Variants in SLC12A8 observed in about 807,000 individuals in gnomAD.
SLC12A8 encodes the protein cation-chloride cotransporter 9.
In SLC12A8, 69 loss-of-function variants were observed where a neutral mutation model predicts 75.6. That is an observed-to-expected ratio of 0.91 (90% CI 0.75 to 1.11). SLC12A8 has a LOEUF of 1.11. SLC12A8 is among the 50% of genes most tolerant of loss of function. SLC12A8 has a pLI of 0.00. For missense variants in SLC12A8, 877 were observed against 896.7 expected, an observed-to-expected ratio of 0.98 and a Z score of 0.28; for synonymous variants, 365 against 372.8, an observed-to-expected ratio of 0.98 and a Z score of 0.24.
At chr3:125,206,382 T>C (rs879034682) in intron 2 of SLC12A8, among the ~76,000 whole-genome samples, 1 of 152,310 alleles carries the variant, frequency 6.6e-6, no homozygotes, top group Non-Finnish European at 1.5e-5. Flanking sequence ...GGACCCACTA[T>C]TGCTGGAACT....
chr3:125,208,634 A>G (rs1487231390), intron 2 of SLC12A8, among the ~76,000 whole-genome samples: 1 of 151,860 alleles, frequency 6.6e-6, no homozygotes, highest in Admixed American at 6.6e-5. Context: ...TCAAGGTCAC[A>G]AAGTATTAGA....
chr3:125,082,814 G>C lies in SLC12A8; in HGVS notation c.*1076C>G, dbSNP rs1938360870. 1 of 152,138 alleles carries C rather than the reference G, an allele frequency of 6.6e-6. No homozygotes were observed. The allele number at this position is 152,138 out of a possible 1,614,324, so 9.4% of individuals were successfully genotyped here. On this transcript the variant is annotated 3_prime_UTR_variant, in exon 14 of 14. Coordinates refer to ENST00000469902, the MANE Select transcript of SLC12A8 (RefSeq NM_024628.6). ...TGCAGAGCTGATTGTCATTGCAAAA[G>C]ATTGGAAAGAATCCAAATGCTCATC... is the stretch of plus-strand genomic sequence containing the variant.
At chr3:125,167,167 G>A (rs1486937010) in intron 5 of SLC12A8, among the ~76,000 whole-genome samples, 1 of 101,342 alleles carries the variant, frequency 9.9e-6, no homozygotes, top group African/African-American at 3.8e-5. Context: ...TTTTTTTTTT[G>A]GAGACAGAGT....
At chr3:125,198,134 C>T (rs1935039567) in intron 2 of SLC12A8, among the ~76,000 whole-genome samples, 1 of 152,076 alleles carries the variant, frequency 6.6e-6, no homozygotes, top group Non-Finnish European at 1.5e-5. Flanking sequence ...AAACCTAAAT[C>T]TACCTGTGAC....
rs1345237967 is a variant in SLC12A8, at chr3:125,092,138, T to C, written c.1766A>G (p.Tyr589Cys). The C allele has an allele frequency of 1.2e-6, 2 of 1,613,106 alleles. No homozygotes were observed. Among genetic ancestry groups the C allele is most frequent in the Admixed American group, 1.7e-5 (1 of 59,978 alleles). ...QDVWRRSTSF[Y>C]THMCNPWVSL... ...GACCCAGGGGTTGCACATGTGGGTATAGAAAGAAGTGGATCTTCTCCAGAC... is the reference window on the plus strand; with the variant it reads ...GACCCAGGGGTTGCACATGTGGGTACAGAAAGAAGTGGATCTTCTCCAGAC... Residue 589 changes from tyrosine (Y) to cysteine (C), a missense_variant, in exon 11 of 14, where the codon TAT becomes TGT. Coordinates refer to ENST00000469902, the MANE Select transcript of SLC12A8 (RefSeq NM_024628.6).
At chr3:125,168,334 C>T (rs546296225) in intron 5 of SLC12A8, among the ~76,000 whole-genome samples, 7 of 152,132 alleles carry the variant, frequency 4.6e-5, no homozygotes, top group Non-Finnish European at 1.0e-4. Context: ...GAAGAAAAGG[C>T]TAACTAAAGA....
intron 8 of SLC12A8, 30 bp from the exon 9 acceptor site, chr3:125,110,365 G>A (rs1196149523): frequency 6.2e-7 from 1 of 1,602,294 alleles, no homozygotes; most frequent in South Asian, 1.1e-5. Context: ...ATTCGCCAGT[G>A]CCAGAACCTG....
chr3:125,099,289 A>C (rs1222589061), intron 10 of SLC12A8, among the ~76,000 whole-genome samples: 1 of 152,238 alleles, frequency 6.6e-6, no homozygotes. Context: ...CAGATGCCAC[A>C]GTTGAAATCC....
chr3:125,163,099 T>C (rs1339487246), intron 5 of SLC12A8, among the ~76,000 whole-genome samples: 2 of 144,344 alleles, frequency 1.4e-5, no homozygotes, highest in South Asian at 2.2e-4. Context: ...AGCCCAGGAG[T>C]TCGAGACTAG....
intron 5 of SLC12A8, among the ~76,000 whole-genome samples, chr3:125,160,253 T>C (rs942900601): frequency 2.0e-5 from 3 of 152,240 alleles, no homozygotes; most frequent in East Asian, 1.9e-4. Context: ...GCGACTTGGT[T>C]CTCAAATCTA....
intron 10 of SLC12A8, among the ~76,000 whole-genome samples, chr3:125,105,528 C>T (rs990459430): frequency 2.0e-5 from 3 of 151,892 alleles, no homozygotes; most frequent in Admixed American, 6.6e-5. Flanking sequence ...GAAAACCAAG[C>T]AAAGAAAAAA....
chr3:125,178,302 A>G (rs902572636), intron 4 of SLC12A8, among the ~76,000 whole-genome samples: 3 of 152,206 alleles, frequency 2.0e-5, no homozygotes, highest in African/African-American at 7.2e-5. Context: ...TCTCAGTCCG[A>G]GTTATTCAAG....
chr3:125,139,043 C>A (rs1283883965), intron 5 of SLC12A8, among the ~76,000 whole-genome samples: 1 of 152,130 alleles, frequency 6.6e-6, no homozygotes, highest in East Asian at 1.9e-4. Flanking sequence ...TACTTGTCAT[C>A]AAAAAATATC....
intron 3 of SLC12A8, 42 bp from the exon 4 acceptor site, chr3:125,187,470 A>C: frequency 6.3e-7 from 1 of 1,579,450 alleles, no homozygotes; most frequent in Non-Finnish European, 8.6e-7. Context: ...TTAGGTGAGG[A>C]GGCCCCGCCA....
chr3:125,191,634 G>A (rs903990229), intron 2 of SLC12A8, among the ~76,000 whole-genome samples: 2 of 152,232 alleles, frequency 1.3e-5, no homozygotes, highest in Non-Finnish European at 2.9e-5. Flanking sequence ...CAGAGTCCAC[G>A]GGGCATGGCT....
intron 10 of SLC12A8, among the ~76,000 whole-genome samples, chr3:125,093,344 C>T (rs1938632731): frequency 6.6e-6 from 1 of 152,252 alleles, no homozygotes; most frequent in South Asian, 2.1e-4. Flanking sequence ...ATCAAATTTC[C>T]ACTTCAGCCA....
intron 2 of SLC12A8, among the ~76,000 whole-genome samples, chr3:125,190,975 G>A (rs1247851451): frequency 2.0e-5 from 3 of 152,136 alleles, no homozygotes; most frequent in African/African-American, 7.2e-5. Context: ...GGGGCTCATG[G>A]TCATGAGCCC....
intron 10 of SLC12A8, among the ~76,000 whole-genome samples, chr3:125,099,980 T>G (rs1171146301): frequency 2.6e-5 from 4 of 151,974 alleles, no homozygotes; most frequent in African/African-American, 7.3e-5. Flanking sequence ...AAATGAAAAC[T>G]CTACAGTTAG....
intron 4 of SLC12A8, among the ~76,000 whole-genome samples, chr3:125,184,136 C>T (rs1479370037): frequency 2.0e-5 from 3 of 151,962 alleles, no homozygotes; most frequent in Non-Finnish European, 4.4e-5. Context: ...CCACGCCTGG[C>T]TAATTTTTGT....
Sources: gnomAD v4.1 joint callset for allele counts (sites outside exome capture counted in the v4.1 genomes callset) on GRCh38, gnomAD v4.1.1 for gene constraint, MANE v1.5 for transcripts, NCBI Gene and HGNC (gene_info 2026-07-23, HGNC 2026-07-21) for gene names.